The following ERC1 variants were observed in gnomAD, a reference collection of about 807,000 sequenced individuals.
The protein encoded by ERC1 is ELKS/RAB6-interacting/CAST family member 1, also known as RAB6 interacting protein 2.
ERC1 carries 56 observed loss-of-function variants against 132.0 expected under a neutral mutation model. The observed-to-expected ratio is 0.42, with a 90% CI of 0.34 to 0.53. The LOEUF (loss-of-function observed/expected upper bound fraction) is 0.53, where lower values mean the gene tolerates loss of function less well. Ranked by LOEUF, ERC1 falls within the 20% of genes least tolerant of loss-of-function variation. The probability of loss-of-function intolerance (pLI) is 0.03; values close to 1 mark genes in which losing one functional copy is unlikely to be tolerated. For missense variants in ERC1, 1,202 were observed against 1,349.9 expected (o/e 0.89, Z 1.72); for synonymous variants, 478 against 476.1 (o/e 1.00, Z -0.05).
chr12:1,376,236 T>C (rs4447228), intron 16 of ERC1, among the ~76,000 whole-genome samples: 41,662 of 152,144 alleles, frequency 0.27, 6,106 homozygotes, highest in Middle Eastern at 0.34. Context: ...GACTCTCATA[T>C]AGAATTTTTA....
At chr12:1,220,134 C>T (rs1175400286) in intron 12 of ERC1, among the ~76,000 whole-genome samples, 4 of 152,168 alleles carry the variant, frequency 2.6e-5, no homozygotes, top group Admixed American at 2.6e-4. Flanking sequence ...TCTCCTAGAT[C>T]ATTATATGTC....
chr12:1,263,039 T>C lies in ERC1; in HGVS notation c.2493T>C (p.Ser831=). 1 of 1,613,778 alleles carries C rather than the reference T, an allele frequency of 6.2e-7. No homozygotes were observed. Among genetic ancestry groups the C allele is most frequent in the Non-Finnish European group, 8.5e-7 (1 of 1,179,864 alleles). Residue 831 remains serine (S), a synonymous_variant, in exon 14 of 19, where the codon AGT becomes AGC. Coordinates refer to ENST00000360905, the MANE Select transcript of ERC1 (RefSeq NM_178040.4). ...AGTCTTCCATCATTTTCTAGGACAG[T>C]CTCCGTAAGAAGGATGACAGGATTG... is the stretch of plus-strand genomic sequence containing the variant. ...LNDSSQQLQD[S]LRKKDDRIEE...
At chr12:1,299,628 G>A (rs973650645) in intron 15 of ERC1, among the ~76,000 whole-genome samples, 22 of 152,114 alleles carry the variant, frequency 1.4e-4, no homozygotes, top group Admixed American at 3.3e-4. Context: ...GTAGGATAAC[G>A]GAAATATTAA....
At chr12:1,213,806 A>G (rs181155763) in intron 12 of ERC1, among the ~76,000 whole-genome samples, 1 of 151,976 alleles carries the variant, frequency 6.6e-6, no homozygotes, top group Non-Finnish European at 1.5e-5. Flanking sequence ...CGGGAGGCAG[A>G]GGCACAAGAG....
At chr12:1,314,379 C>T (rs1300086754) in intron 15 of ERC1, among the ~76,000 whole-genome samples, 1 of 152,096 alleles carries the variant, frequency 6.6e-6, no homozygotes, top group East Asian at 1.9e-4. Context: ...AAGTTCCTTT[C>T]TAAAAATGTA....
intron 16 of ERC1, among the ~76,000 whole-genome samples, chr12:1,404,168 C>T (rs1483364612): frequency 3.3e-5 from 5 of 152,308 alleles, no homozygotes; most frequent in South Asian, 2.1e-4. Flanking sequence ...GCAGCAGATT[C>T]GGTGTCTGAT....
intron 17 of ERC1, among the ~76,000 whole-genome samples, chr12:1,413,875 A>G (rs2091973994): frequency 6.6e-6 from 1 of 152,234 alleles, no homozygotes; most frequent in Admixed American, 6.5e-5. Context: ...TTAAACCAGC[A>G]GTCCCCAACC....
At chr12:1,294,103 T>A (rs1396025594) in intron 15 of ERC1, among the ~76,000 whole-genome samples, 1 of 152,232 alleles carries the variant, frequency 6.6e-6, no homozygotes, top group Non-Finnish European at 1.5e-5. Flanking sequence ...TTGGGACTCC[T>A]CCTCAGTTTT....
chr12:1,070,440 A>G (rs983430409), intron 2 of ERC1, among the ~76,000 whole-genome samples: 1 of 151,688 alleles, frequency 6.6e-6, no homozygotes. Context: ...GATGCATGCC[A>G]CTGTGCCCAG....
chr12:1,391,712 G>A (rs1189248859), intron 16 of ERC1, among the ~76,000 whole-genome samples: 3 of 152,216 alleles, frequency 2.0e-5, no homozygotes, highest in African/African-American at 7.2e-5. Flanking sequence ...GTGACAGTGG[G>A]ACCACATGGT....
At position 1,002,087 on chromosome 12, in the gene ERC1, C is replaced by T. The variant is rs956330520; in HGVS notation, c.-157+10765C>T. Among the ~76,000 whole-genome samples the T allele has an allele frequency of 1.4e-5, 2 of 147,370 alleles. 1 individual carries two copies. The highest frequency in any genetic ancestry group is 3.0e-5 in the Non-Finnish European group (2 of 67,204). On this transcript the variant is annotated intron_variant, in intron 1 of 18. Coordinates refer to ENST00000360905, the MANE Select transcript of ERC1 (RefSeq NM_178040.4). ...ATGTTGACCAGGCTGGTCTGGAACT[C>T]CTGGCTTCAAATGATCCACCTGCCT...
At chr12:1,302,415 G>T (rs1342031416) in intron 15 of ERC1, among the ~76,000 whole-genome samples, 2 of 152,100 alleles carry the variant, frequency 1.3e-5, no homozygotes, top group East Asian at 3.8e-4. Context: ...TGAACCCTGA[G>T]ATTGCAAAAG....
intron 8 of ERC1, among the ~76,000 whole-genome samples, chr12:1,175,198 G>A (rs938317207): frequency 3.3e-5 from 5 of 152,190 alleles, no homozygotes; most frequent in Non-Finnish European, 5.9e-5. Flanking sequence ...GGTAGTTGCT[G>A]AAGGTTGGGG....
chr12:1,123,434 CAGTT>C (rs1947802666), intron 7 of ERC1, among the ~76,000 whole-genome samples: 1 of 152,028 alleles, frequency 6.6e-6, no homozygotes, highest in South Asian at 2.1e-4. Context: ...ATATAAATCT[CAGTT>C]GGGCTAAAAA....
chr12:1,339,062 G>T (rs115768454), intron 15 of ERC1, among the ~76,000 whole-genome samples: 1,643 of 152,330 alleles, frequency 0.011, 31 homozygotes, highest in African/African-American at 0.037. Flanking sequence ...CAGAGTGCAC[G>T]CTGGACAACT....
chr12:1,419,197 A>G (rs1306792246), intron 17 of ERC1, among the ~76,000 whole-genome samples: 2 of 152,142 alleles, frequency 1.3e-5, no homozygotes, highest in Non-Finnish European at 2.9e-5. Flanking sequence ...AATAAGACTA[A>G]CAATAAACTC....
intron 12 of ERC1, among the ~76,000 whole-genome samples, chr12:1,190,431 AGAC>A (rs1287896712): frequency 6.6e-6 from 1 of 152,228 alleles, no homozygotes; most frequent in Non-Finnish European, 1.5e-5. Context: ...TCACTAGTTT[AGAC>A]CTTTGTTGTT....
At chr12:1,266,619 G>A (rs987987934) in intron 14 of ERC1, among the ~76,000 whole-genome samples, 20 of 151,636 alleles carry the variant, frequency 1.3e-4, no homozygotes, top group Admixed American at 8.5e-4. Context: ...TGGCCAGGCT[G>A]GTCTCGAACT....
rs557671525 is a variant in ERC1 at position 1,461,928 on chromosome 12, TAC to T, written c.3213+17186_3213+17187del. On this transcript the variant is annotated intron_variant, in intron 18 of 18. Coordinates refer to ENST00000360905, the MANE Select transcript of ERC1 (RefSeq NM_178040.4). ...AAAAAATATTCACTAAATACATACA[TAC>T]ACACACAAAAACACATACACACATG... Among the ~76,000 whole-genome samples, 6 of 152,152 alleles carry T rather than the reference TAC, an allele frequency of 3.9e-5. No homozygotes were observed. In the East Asian group the frequency reaches 1.2e-3, roughly 29 times the overall value.
Sources: allele counts gnomAD v4.1 joint callset (sites outside exome capture counted in the v4.1 genomes callset), GRCh38; gene constraint gnomAD v4.1.1; transcripts MANE v1.5; gene names NCBI Gene and HGNC (gene_info 2026-07-23, HGNC 2026-07-21).